SLC22A23: variants seen among roughly 807,000 people sequenced by gnomAD.
SLC22A23 encodes solute carrier family 22 member 23.
Under a neutral mutation model 61.0 loss-of-function variants are expected in SLC22A23, and 26 were observed. That is an observed-to-expected ratio of 0.43 (90% CI 0.31 to 0.59). SLC22A23 has a LOEUF of 0.59. Ranked by LOEUF, SLC22A23 falls within the 20% of genes least tolerant of loss-of-function variation. The probability of loss-of-function intolerance (pLI) is 0.11; values close to 1 mark genes in which losing one functional copy is unlikely to be tolerated. For missense variants in SLC22A23, 796 were observed against 934.7 expected (o/e 0.85, Z 1.94); for synonymous variants, 430 against 413.9 (o/e 1.04, Z -0.47).
chr6:3,381,480 A>T (rs1766948119), intron 3 of SLC22A23, among the ~76,000 whole-genome samples: 1 of 152,210 alleles, frequency 6.6e-6, no homozygotes, highest in Non-Finnish European at 1.5e-5. Flanking sequence ...GCGTTTCAGG[A>T]CCAGTCCCCA....
chr6:3,295,621 G>A (rs3936166), intron 5 of SLC22A23, among the ~76,000 whole-genome samples: 39,619 of 152,126 alleles, frequency 0.26, 7,739 homozygotes, highest in African/African-American at 0.53. Flanking sequence ...GGTGTTGGCT[G>A]TGGGATTAGA....
chr6:3,453,612 T>A (rs9405642), intron 1 of SLC22A23, among the ~76,000 whole-genome samples: 123,329 of 152,112 alleles, frequency 0.81, 50,724 homozygotes, highest in African/African-American at 0.94. Context: ...TCCTCTCCCT[T>A]TCTGACACCT....
rs1002945990 is a variant in SLC22A23, at chr6:3,456,099, C to T, written c.461G>A (p.Ser154Asn). The T allele has an allele frequency of 2.2e-5, 34 of 1,550,414 alleles. No individual in the cohort carries two copies. Among genetic ancestry groups the T allele is most frequent in the Non-Finnish European group, 3.0e-5 (34 of 1,146,632 alleles). The change falls in exon 1 of 10, where the codon AGC (serine) becomes AAC (asparagine). Residue 154 changes from serine to asparagine, a missense_variant. Ser to Asn is a conservative substitution (Grantham distance 46, BLOSUM62 1). Transcript: ENST00000406686. This position sits in a 1 kb window ranked among gnomAD's most constrained non-coding sequence, Gnocchi z 7.1. ...GRGGDMGNWT[S>N]LPTTPFATAP... ...AGTGGCGAAGGGGGTGGTGGGGAGG[C>T]TGGTCCAGTTGCCCATGTCCCCGCC... is the stretch of plus-strand genomic sequence containing the variant.
intron 1 of SLC22A23, among the ~76,000 whole-genome samples, chr6:3,448,292 T>G (rs1032233129): frequency 2.0e-5 from 3 of 152,092 alleles, no homozygotes; most frequent in Non-Finnish European, 4.4e-5. Flanking sequence ...AACCCTGATC[T>G]CCACTGTTTG....
At chr6:3,440,355 G>A (rs1467286913) in intron 1 of SLC22A23, among the ~76,000 whole-genome samples, 1 of 152,154 alleles carries the variant, frequency 6.6e-6, no homozygotes, top group Non-Finnish European at 1.5e-5. Context: ...AGGGTAGTAA[G>A]GTCAAATGCA....
intron 6 of SLC22A23, among the ~76,000 whole-genome samples, chr6:3,289,365 G>A (rs538744268): frequency 1.3e-5 from 2 of 152,392 alleles, no homozygotes; most frequent in Admixed American, 6.5e-5. Flanking sequence ...CTGGCTGCAG[G>A]TTCAGGAAGG....
In SLC22A23 at chr6:3,367,217, G is replaced by A. The variant is rs377093538; in HGVS notation, c.913+42971C>T. ...TAGTGGCAAGAGCATCAGTCTCATG[G>A]CCCAGAGAAGGTCAAAGTACATTTC... On this transcript the variant is annotated intron_variant, in intron 3 of 9. Coordinates refer to ENST00000406686, the MANE Select transcript of SLC22A23 (RefSeq NM_015482.2). Among the ~76,000 whole-genome samples the A allele has an allele frequency of 2.7e-4, 41 of 152,306 alleles. 2 individuals carry two copies. The highest frequency in any genetic ancestry group is 2.3e-3 in the East Asian group (12 of 5,188).
chr6:3,434,605 T>C (rs1561980061), intron 1 of SLC22A23, among the ~76,000 whole-genome samples: 1 of 144,822 alleles, frequency 6.9e-6, no homozygotes, highest in Non-Finnish European at 1.5e-5. Context: ...CAAGACTCCA[T>C]CTCAAAAAAA....
At chr6:3,380,525 AC>A (rs1392623003) in intron 3 of SLC22A23, among the ~76,000 whole-genome samples, 1 of 152,198 alleles carries the variant, frequency 6.6e-6, no homozygotes, top group Admixed American at 6.5e-5. Context: ...ATCAATATGT[AC>A]AAAGTCCTGT....
At chr6:3,323,476 C>T (rs1763086504) in intron 4 of SLC22A23, 1 of 411,090 alleles carries the variant, frequency 2.4e-6, no homozygotes, top group Admixed American at 3.3e-5. Flanking sequence ...CTCCAAATCC[C>T]CCCTCCTAAC....
intron 2 of SLC22A23, 129 bp downstream of exon 2, chr6:3,415,621 GCA>G: frequency 1.6e-6 from 1 of 627,066 alleles, no homozygotes; most frequent in African/African-American, 1.8e-5. Context: ...TCTCCACGTG[GCA>G]GCTTTGGCCT....
chr6:3,423,707 T>C (rs1319552076), intron 1 of SLC22A23, among the ~76,000 whole-genome samples: 1 of 152,250 alleles, frequency 6.6e-6, no homozygotes, highest in African/African-American at 2.4e-5. Context: ...TTCTAGCAAC[T>C]CATTTATATG....
intron 3 of SLC22A23, among the ~76,000 whole-genome samples, chr6:3,388,628 A>G (rs536481869): frequency 3.7e-4 from 57 of 152,362 alleles, no homozygotes; most frequent in African/African-American, 1.3e-3. Flanking sequence ...GTTATTCACA[A>G]CAGCTAAAAC....
At position 3,283,838 on chromosome 6, in the gene SLC22A23, C is replaced by T. The variant is rs1255592575; in HGVS notation, c.1703+14G>A. On this transcript the variant is annotated intron_variant, in intron 9 of 9. Coordinates refer to ENST00000406686, the MANE Select transcript of SLC22A23 (RefSeq NM_015482.2). ...GAGAAGCCGGCGTCCCCTGGGGTGT[C>T]TCCCATGACGCACCTTATCACCGTC... The T allele has an allele frequency of 6.2e-7, 1 of 1,613,470 alleles. No homozygotes were observed. Among genetic ancestry groups the T allele is most frequent in the Non-Finnish European group, 8.5e-7 (1 of 1,179,750 alleles).
chr6:3,316,565 G>A (rs1264725286), intron 4 of SLC22A23, among the ~76,000 whole-genome samples: 1 of 152,226 alleles, frequency 6.6e-6, no homozygotes, highest in Non-Finnish European at 1.5e-5. Flanking sequence ...GCACTCACAT[G>A]TTGGGCTGAG....
intron 3 of SLC22A23, among the ~76,000 whole-genome samples, chr6:3,403,380 T>C (rs1052563405): frequency 2.0e-5 from 3 of 150,456 alleles, no homozygotes; most frequent in Non-Finnish European, 4.4e-5. Context: ...GGGAGTGTAA[T>C]AGGATTCCAG....
Position 3,396,358 on chromosome 6 carries a change from C to T in SLC22A23, c.913+13830G>A, listed in dbSNP as rs149450049. ...CGGGCAGACCATGAGGTCAAGAGAT[C>T]GAGACCATCCTGACCAACATGGTGA... On this transcript the variant is annotated intron_variant, in intron 3 of 9. Coordinates refer to ENST00000406686, the MANE Select transcript of SLC22A23 (RefSeq NM_015482.2). Among the ~76,000 whole-genome samples, 355 of 152,284 alleles carry T rather than the reference C, an allele frequency of 2.3e-3. 2 individuals are homozygous for T. The highest frequency in any genetic ancestry group is 7.5e-3 in the African/African-American group (310 of 41,552).
At chr6:3,444,764 T>G in intron 1 of SLC22A23, 1 of 981,072 alleles carries the variant, frequency 1.0e-6, no homozygotes. Flanking sequence ...AGGGTGCTTT[T>G]TGGTGGGGCT....
intron 3 of SLC22A23, among the ~76,000 whole-genome samples, chr6:3,357,264 G>A (rs1232341333): frequency 6.6e-6 from 1 of 152,128 alleles, no homozygotes; most frequent in Admixed American, 6.5e-5. Context: ...AACTCCCAGT[G>A]CAAACAACCA....
Sources: gnomAD v4.1 joint callset for allele counts (sites outside exome capture counted in the v4.1 genomes callset) on GRCh38, gnomAD v4.1.1 for gene constraint, Gnocchi (gnomAD v3.1) non-coding constraint, MANE v1.5 for transcripts, NCBI Gene and HGNC (gene_info 2026-07-23, HGNC 2026-07-21) for gene names.